The following NRG1 variants were observed in gnomAD, a reference collection of about 807,000 sequenced individuals.
NRG1 encodes neuregulin 1.
Under a neutral mutation model 63.8 loss-of-function variants are expected in NRG1, and 18 were observed. That is an observed-to-expected ratio of 0.28 (90% confidence interval 0.19 to 0.42). NRG1 has a LOEUF of 0.42. Among genes scored for constraint, NRG1 ranks in the 10% least tolerant of loss-of-function variants. The probability of loss-of-function intolerance (pLI) is 1.00; values close to 1 mark genes in which losing one functional copy is unlikely to be tolerated. For synonymous variants in NRG1, 302 were observed against 301.3 expected (o/e 1.00, Z -0.02); for missense variants, 762 against 814.7 (o/e 0.94, Z 0.79).
chr8:32,251,251 C>A (rs1849069704), intron 1 of NRG1, among the ~76,000 whole-genome samples: 1 of 152,026 alleles, frequency 6.6e-6, no homozygotes, highest in Non-Finnish European at 1.5e-5. Context: ...TGTTCCCCTC[C>A]CTGTGTCCAT....
chr8:32,061,572 C>T (rs1024259930), intron 1 of NRG1: 1 of 151,950 alleles, frequency 6.6e-6, no homozygotes, highest in Non-Finnish European at 1.5e-5. Context: ...TGCCCTATGC[C>T]CTTTCACTGG....
intron 1 of NRG1, among the ~76,000 whole-genome samples, chr8:32,233,592 G>A (rs76734576): frequency 8.0e-6 from 1 of 124,296 alleles, no homozygotes; most frequent in African/African-American, 2.9e-5. Context: ...TTGAAACGGT[G>A]TCTCACTCTG....
intron 1 of NRG1, among the ~76,000 whole-genome samples, chr8:31,972,246 G>A (rs185718441): frequency 9.2e-5 from 14 of 152,068 alleles, no homozygotes; most frequent in African/African-American, 2.2e-4. Context: ...TGCCTCCCTC[G>A]ACAGCCACAA....
intron 1 of NRG1, among the ~76,000 whole-genome samples, chr8:32,208,191 A>G (rs1242931588): frequency 6.6e-6 from 1 of 152,108 alleles, no homozygotes; most frequent in Non-Finnish European, 1.5e-5. Flanking sequence ...TACCTGTCAT[A>G]TGGCAGATGG....
chr8:31,980,944 A>T (rs1808966322), intron 1 of NRG1, among the ~76,000 whole-genome samples: 1 of 152,036 alleles, frequency 6.6e-6, no homozygotes, highest in African/African-American at 2.4e-5. Context: ...TCGAGGAATG[A>T]CTGAAAAGGG....
chr8:32,678,403 T>A (rs1589152481), intron 5 of NRG1, among the ~76,000 whole-genome samples: 1 of 152,180 alleles, frequency 6.6e-6, no homozygotes, highest in East Asian at 1.9e-4. Flanking sequence ...CAGTATCAGA[T>A]ATTTTGGCTT....
intron 1 of NRG1, among the ~76,000 whole-genome samples, chr8:32,367,178 G>A (rs1404055433): frequency 6.6e-6 from 1 of 152,138 alleles, no homozygotes. Context: ...TACATGATAT[G>A]ATAGTTCTAC....
At chr8:31,948,580 T>G (rs1205581272) in intron 1 of NRG1, among the ~76,000 whole-genome samples, 1 of 152,186 alleles carries the variant, frequency 6.6e-6, no homozygotes, top group Non-Finnish European at 1.5e-5. Context: ...TTCAGAGTGA[T>G]CTAAGCCATA....
At chr8:32,073,572 A>G (rs534635354) in intron 1 of NRG1, among the ~76,000 whole-genome samples, 5 of 152,276 alleles carry the variant, frequency 3.3e-5, no homozygotes, top group Admixed American at 3.3e-4. Context: ...TGAAAGACAG[A>G]TGATGTGTCT....
At chr8:31,793,575 C>A (rs539279232) in intron 1 of NRG1, among the ~76,000 whole-genome samples, 1 of 152,122 alleles carries the variant, frequency 6.6e-6, no homozygotes. Flanking sequence ...TCTTGGAAAA[C>A]CTTAGTAGTT....
chr8:31,767,362 C>A (rs1261497458), intron 1 of NRG1, among the ~76,000 whole-genome samples: 1 of 152,174 alleles, frequency 6.6e-6, no homozygotes. Flanking sequence ...AAACTAGAGT[C>A]CTATGCTCCT....
At chr8:31,785,411 G>C (rs913600993) in intron 1 of NRG1, among the ~76,000 whole-genome samples, 3 of 152,140 alleles carry the variant, frequency 2.0e-5, no homozygotes, top group Non-Finnish European at 4.4e-5. Flanking sequence ...GAAAAGAAAG[G>C]TGAGCTTGTG....
chr8:32,553,175 C>T (rs12543882), intron 1 of NRG1, among the ~76,000 whole-genome samples: 59,556 of 151,846 alleles, frequency 0.39, 12,741 homozygotes, highest in Admixed American at 0.49. Context: ...CCTTTTTCTG[C>T]AATATGGGGA....
At chr8:32,270,541 A>C (rs1279219371) in intron 1 of NRG1, among the ~76,000 whole-genome samples, 12 of 152,226 alleles carry the variant, frequency 7.9e-5, no homozygotes. Flanking sequence ...AAAGAAAGAA[A>C]ATTCAAAATT....
intron 1 of NRG1, among the ~76,000 whole-genome samples, chr8:31,832,137 T>C (rs192718487): frequency 6.6e-6 from 1 of 152,316 alleles, no homozygotes; most frequent in East Asian, 1.9e-4. Flanking sequence ...AGATGTGATT[T>C]AATGAATATC....
intron 1 of NRG1, among the ~76,000 whole-genome samples, chr8:31,996,438 C>A (rs1436432952): frequency 6.6e-6 from 1 of 151,940 alleles, no homozygotes; most frequent in Non-Finnish European, 1.5e-5. Context: ...TACTGACTTA[C>A]TGGAAATCCC....
chr8:31,704,442 A>T (rs1320501832), intron 1 of NRG1, among the ~76,000 whole-genome samples: 1 of 152,166 alleles, frequency 6.6e-6, no homozygotes, highest in East Asian at 1.9e-4. Context: ...ATGCCTTTCT[A>T]GTGTTTTTGT....
intron 1 of NRG1, among the ~76,000 whole-genome samples, chr8:31,930,264 TA>T (rs1834754415): frequency 1.3e-5 from 2 of 152,220 alleles, no homozygotes. Flanking sequence ...ATTGAACTTT[TA>T]AAATGTATTA....
intron 1 of NRG1, among the ~76,000 whole-genome samples, chr8:32,397,700 A>C (rs1245242659): frequency 6.6e-6 from 1 of 152,172 alleles, no homozygotes; most frequent in Non-Finnish European, 1.5e-5. Flanking sequence ...TGGATGAGTC[A>C]TTGGTTACCA....
Sources: allele counts gnomAD v4.1 joint callset (sites outside exome capture counted in the v4.1 genomes callset), GRCh38; gene constraint gnomAD v4.1.1; transcripts MANE v1.5; gene names NCBI Gene and HGNC (gene_info 2026-07-23, HGNC 2026-07-21).